The following TJP1 variants were observed in gnomAD, a reference collection of about 807,000 sequenced individuals.
TJP1 encodes tight junction protein 1.
TJP1 carries 43 observed loss-of-function variants against 194.2 expected under a neutral mutation model. The observed-to-expected ratio is 0.22, with a 90% CI of 0.17 to 0.29. The LOEUF is 0.29. Among genes scored for constraint, TJP1 ranks in the 10% least tolerant of loss-of-function variants. The probability of loss-of-function intolerance (pLI) is 1.00; values close to 1 mark genes in which losing one functional copy is unlikely to be tolerated. For missense variants in TJP1, 1,971 were observed against 2,185.7 expected, an observed-to-expected ratio of 0.90 and a Z score of 1.96; for synonymous variants, 801 against 779.0, an observed-to-expected ratio of 1.03 and a Z score of -0.47.
intron 2 of TJP1, among the ~76,000 whole-genome samples, chr15:29,895,199 A>G (rs138145960): frequency 5.1e-4 from 77 of 152,288 alleles, no homozygotes; most frequent in African/African-American, 1.8e-3. Flanking sequence ...TTCTCTCCCA[A>G]ACACACTTCC....
chr15:29,746,097 G>A (rs761080351), intron 8 of TJP1, among the ~76,000 whole-genome samples: 3 of 152,200 alleles, frequency 2.0e-5, no homozygotes, highest in African/African-American at 4.8e-5. Flanking sequence ...ACTTTAAAAC[G>A]GCTGGGCGCA....
At position 29,822,389 on chromosome 15, in the gene TJP1, A is replaced by T. The variant is rs1043380768; in HGVS notation, c.-361T>A. 6 of 1,010,272 alleles carry T rather than the reference A, an allele frequency of 5.9e-6. No homozygotes were observed. In the African/African-American group the frequency reaches 1.0e-4, roughly 17 times the overall value. 62.6% of individuals were successfully genotyped at this position (1,010,272 alleles called of 1,614,324 possible). On this transcript the variant is annotated 5_prime_UTR_variant, in exon 1 of 28. Coordinates refer to ENST00000614355, the MANE Select transcript of TJP1 (RefSeq NM_001330239.4). ...CGTCTCCTCGGAAGCCGGCTTCGCC[A>T]CGTAACTTCCCGGGAACCGGCGGCC... is the stretch of plus-strand genomic sequence containing the variant.
chr15:29,738,396 T>C (rs1232561712), intron 10 of TJP1, among the ~76,000 whole-genome samples: 1 of 152,094 alleles, frequency 6.6e-6, no homozygotes, highest in Non-Finnish European at 1.5e-5. Context: ...ATGAATGAAA[T>C]GTGTTGAGGA....
chr15:29,801,396 A>C (rs2048770366), intron 1 of TJP1, among the ~76,000 whole-genome samples: 2 of 152,188 alleles, frequency 1.3e-5, no homozygotes, highest in South Asian at 4.1e-4. Context: ...GGTCCTGCCC[A>C]AATTATAGCG....
chr15:29,878,658 G>T (rs1381265083), intron 2 of TJP1, among the ~76,000 whole-genome samples: 1 of 152,014 alleles, frequency 6.6e-6, no homozygotes. Context: ...TACAATTTTA[G>T]TTTCATAGCT....
intron 2 of TJP1, among the ~76,000 whole-genome samples, chr15:29,891,366 T>A (rs907447867): frequency 6.6e-6 from 1 of 152,232 alleles, no homozygotes; most frequent in African/African-American, 2.4e-5. Context: ...TTGGTCATCT[T>A]TTCTTTGCAG....
chr15:29,736,853 G>A (rs2044065307), intron 11 of TJP1, among the ~76,000 whole-genome samples: 1 of 152,194 alleles, frequency 6.6e-6, no homozygotes, highest in Non-Finnish European at 1.5e-5. Flanking sequence ...GCTTCAAGAT[G>A]ACTCATATGG....
intron 5 of TJP1, among the ~76,000 whole-genome samples, chr15:29,764,029 G>A (rs1387220523): frequency 2.0e-5 from 3 of 152,066 alleles, no homozygotes; most frequent in East Asian, 3.9e-4. Context: ...TAGTTTGTTC[G>A]TTCATTCTAA....
chr15:29,849,994 G>T (rs1052373291), intron 2 of TJP1, among the ~76,000 whole-genome samples: 6 of 152,122 alleles, frequency 3.9e-5, no homozygotes, highest in Admixed American at 3.9e-4. Flanking sequence ...TCTGGGGAAA[G>T]CCAGATGCTC....
At position 29,761,125 on chromosome 15, in the gene TJP1, A is replaced by T. The variant is rs1226028041; in HGVS notation, c.1010+14T>A. On this transcript the variant is annotated intron_variant, in intron 8 of 27. Coordinates refer to ENST00000614355, the MANE Select transcript of TJP1 (RefSeq NM_001330239.4). ...CAAAACCCCTGTATTTTTTAAAAAA[A>T]TAGGGTGTCTTACCTGCCATTGCTT... 4.5e-6 allele frequency: 7 copies of T among 1,566,104 alleles called. No individual in the cohort carries two copies. Among genetic ancestry groups the T allele is most frequent in the Non-Finnish European group, 6.0e-6 (7 of 1,158,088 alleles).
intron 1 of TJP1, among the ~76,000 whole-genome samples, chr15:29,964,603 C>A (rs79592118): frequency 0.047 from 7,188 of 152,212 alleles, 241 homozygotes; most frequent in South Asian, 0.094. Context: ...GCCTCCATAA[C>A]TCAGAAAATA....
upstream of TJP1, among the ~76,000 whole-genome samples, chr15:29,824,568 A>G (rs961345410): frequency 3.9e-5 from 6 of 152,140 alleles, no homozygotes; most frequent in African/African-American, 1.4e-4. Context: ...CCCATTAAAA[A>G]AAAAAAATTG....
At chr15:29,769,195 C>G (rs1242504657) in intron 4 of TJP1, among the ~76,000 whole-genome samples, 2 of 152,096 alleles carry the variant, frequency 1.3e-5, no homozygotes, top group South Asian at 4.1e-4. Flanking sequence ...CATATAAATG[C>G]AAAGGACATG....
intron 2 of TJP1, among the ~76,000 whole-genome samples, chr15:29,889,754 T>C (rs1314940824): frequency 1.3e-5 from 2 of 152,226 alleles, no homozygotes; most frequent in Non-Finnish European, 2.9e-5. Context: ...TAGCTGGCAC[T>C]GAGTAATCCA....
At chr15:29,908,628 A>G (rs557476889) in intron 2 of TJP1, among the ~76,000 whole-genome samples, 35 of 152,216 alleles carry the variant, frequency 2.3e-4, no homozygotes, top group Non-Finnish European at 4.6e-4. Flanking sequence ...GGGTGAATTT[A>G]TTAGCAGACG....
intron 27 of TJP1, among the ~76,000 whole-genome samples, chr15:29,702,422 G>A (rs1414440963): frequency 6.6e-6 from 1 of 152,140 alleles, no homozygotes; most frequent in Non-Finnish European, 1.5e-5. Flanking sequence ...AGGCAGGGAC[G>A]ACTATATGTC....
intron 2 of TJP1, among the ~76,000 whole-genome samples, chr15:29,894,231 G>A (rs559191986): frequency 6.6e-6 from 1 of 152,280 alleles, no homozygotes; most frequent in South Asian, 2.1e-4. Flanking sequence ...AGCTGAGGTG[G>A]GCAGATCACT....
intron 2 of TJP1, among the ~76,000 whole-genome samples, chr15:29,928,554 A>G (rs920159429): frequency 7.9e-5 from 12 of 152,236 alleles, no homozygotes; most frequent in African/African-American, 2.2e-4. Context: ...ATGCACATCT[A>G]CATCAAGAGA....
At chr15:29,710,049 G>A (rs573088947) in intron 24 of TJP1, among the ~76,000 whole-genome samples, 88 of 152,116 alleles carry the variant, frequency 5.8e-4, no homozygotes, top group Non-Finnish European at 9.6e-4. Context: ...AGGAGGCTGA[G>A]GCAGGAGAAT....
Sources: allele counts gnomAD v4.1 joint callset (sites outside exome capture counted in the v4.1 genomes callset), GRCh38; gene constraint gnomAD v4.1.1; transcripts MANE v1.5; gene names NCBI Gene and HGNC (gene_info 2026-07-23, HGNC 2026-07-21).